JAM2: variants seen among roughly 807,000 people sequenced by gnomAD.
JAM2 encodes junctional adhesion molecule 2.
In JAM2, 17 loss-of-function variants were observed where a neutral mutation model predicts 42.0. That is an observed-to-expected ratio of 0.40 (90% CI 0.28 to 0.61). JAM2 has a LOEUF of 0.61. JAM2 is among the 20% of genes least tolerant of loss of function. The pLI is 0.37. For missense variants in JAM2, 319 were observed against 358.3 expected (o/e 0.89, Z 0.89); for synonymous variants, 118 against 128.6 (o/e 0.92, Z 0.56).
intron 9 of JAM2, chr21:25,714,141 G>A: frequency 3.9e-6 from 5 of 1,290,186 alleles, no homozygotes; most frequent in Non-Finnish European, 5.1e-6. Context: ...TACTCTCTAG[G>A]CAAAGCTTCA....
At chr21:25,667,636 A>G (rs766794603) in intron 1 of JAM2, among the ~76,000 whole-genome samples, 9 of 152,178 alleles carry the variant, frequency 5.9e-5, no homozygotes, top group Non-Finnish European at 1.0e-4. Flanking sequence ...TCAGACATCC[A>G]CTGGGGGTCT....
intron 4 of JAM2, among the ~76,000 whole-genome samples, chr21:25,694,656 C>A (rs1314745677): frequency 6.6e-6 from 1 of 151,900 alleles, no homozygotes; most frequent in Non-Finnish European, 1.5e-5. Context: ...CATAGTGAGT[C>A]CCCTATATCG....
rs539549299 is a variant in JAM2, at chr21:25,665,528, T to C, written c.68-18355T>C. 2.0e-5 allele frequency among the ~76,000 whole-genome samples: 3 copies of C among 152,166 alleles called. 1 individual carries two copies. Among genetic ancestry groups the C allele is most frequent in the Non-Finnish European group, 4.4e-5 (3 of 68,030 alleles). ...GTGTGCATGTATGTACATATATGTA[T>C]ATAAAGAGACTTGTTTTAAGGAATT... On this transcript the variant is annotated intron_variant, in intron 1 of 9. Transcript: ENST00000480456.
intron 4 of JAM2, 115 bp downstream of exon 4, chr21:25,694,023 A>C: frequency 5.0e-6 from 5 of 991,132 alleles, no homozygotes; most frequent in Non-Finnish European, 7.5e-6. Context: ...AGCCTCAACC[A>C]GTCAAGTTAC....
chr21:25,704,447 G>A (rs1429263603), intron 6 of JAM2, among the ~76,000 whole-genome samples: 2 of 152,080 alleles, frequency 1.3e-5, no homozygotes, highest in East Asian at 1.9e-4. Flanking sequence ...AAAGAATTTC[G>A]AGACCAGAAG....
chr21:25,714,600 A>G, intron 9 of JAM2, 40 bp from the exon 10 acceptor site: 2 of 1,165,966 alleles, frequency 1.7e-6, no homozygotes, highest in Non-Finnish European at 2.5e-6. Flanking sequence ...TTTAAATATG[A>G]ATTCATATAT....
At chr21:25,648,802 G>C (rs1158176263) in intron 1 of JAM2, among the ~76,000 whole-genome samples, 1 of 152,108 alleles carries the variant, frequency 6.6e-6, no homozygotes. Flanking sequence ...CACATCTTTA[G>C]GTCGTTGGTA....
At chr21:25,708,836 G>A (rs997019931) in intron 7 of JAM2, among the ~76,000 whole-genome samples, 1 of 152,032 alleles carries the variant, frequency 6.6e-6, no homozygotes, top group African/African-American at 2.4e-5. Flanking sequence ...TTGAATATTA[G>A]GAGTTCGTTA....
intron 1 of JAM2, among the ~76,000 whole-genome samples, chr21:25,663,514 G>A (rs941423159): frequency 6.6e-6 from 1 of 152,128 alleles, no homozygotes; most frequent in Non-Finnish European, 1.5e-5. Context: ...AGAAGTGATC[G>A]ATTCATGAGG....
rs187566069 is a variant in JAM2, at chr21:25,694,902, C to T, written c.394+994C>T. Among the ~76,000 whole-genome samples the T allele has an allele frequency of 3.1e-4, 46 of 150,780 alleles. 1 individual carries two copies. The East Asian group carries it at 5.0e-3, about 16-fold the overall frequency. ...CAAGATGGTAGTTTGTGGAGGAACA[C>T]GATCTCTTCTCTTTCATTGGTGGTG... On this transcript the variant is annotated intron_variant, in intron 4 of 9. Coordinates refer to ENST00000480456, the MANE Select transcript of JAM2 (RefSeq NM_021219.4).
intron 2 of JAM2, among the ~76,000 whole-genome samples, chr21:25,684,943 A>T (rs2033716744): frequency 6.6e-6 from 1 of 152,174 alleles, no homozygotes; most frequent in South Asian, 2.1e-4. Flanking sequence ...TTTCCAAAGG[A>T]TCCTTTATCT....
At chr21:25,666,671 G>A (rs1380949039) in intron 1 of JAM2, among the ~76,000 whole-genome samples, 1 of 152,068 alleles carries the variant, frequency 6.6e-6, no homozygotes, top group Non-Finnish European at 1.5e-5. Context: ...TGAGGAGCTG[G>A]GACAACAGGA....
At chr21:25,661,879 CT>C (rs1392617611) in intron 1 of JAM2, among the ~76,000 whole-genome samples, 1 of 151,712 alleles carries the variant, frequency 6.6e-6, no homozygotes, top group East Asian at 1.9e-4. Flanking sequence ...TCATTTTTAG[CT>C]AACATGAGCA....
intron 1 of JAM2, among the ~76,000 whole-genome samples, chr21:25,646,736 G>A (rs1311668743): frequency 6.6e-6 from 1 of 152,186 alleles, no homozygotes; most frequent in Admixed American, 6.5e-5. Flanking sequence ...TACATTTTAT[G>A]AGCAGAGAAG....
chr21:25,681,855 G>A (rs7281677), intron 1 of JAM2, among the ~76,000 whole-genome samples: 2,817 of 152,106 alleles, frequency 0.019, 87 homozygotes, highest in African/African-American at 0.063. Flanking sequence ...CGTGGCGGGC[G>A]CCTGTAGTCC....
intron 1 of JAM2, among the ~76,000 whole-genome samples, chr21:25,663,742 C>T (rs1243606704): frequency 6.6e-6 from 1 of 152,056 alleles, no homozygotes; most frequent in African/African-American, 2.4e-5. Context: ...CAGATGTGAC[C>T]CCTCTACCTT....
intron 1 of JAM2, among the ~76,000 whole-genome samples, chr21:25,675,575 G>A (rs1290487285): frequency 6.2e-5 from 9 of 144,820 alleles, no homozygotes; most frequent in African/African-American, 2.3e-4. Context: ...AAGGAGGGAA[G>A]GAAGGAAGGA....
At chr21:25,661,000 T>C (rs1386179702) in intron 1 of JAM2, among the ~76,000 whole-genome samples, 3 of 151,002 alleles carry the variant, frequency 2.0e-5, no homozygotes, top group Non-Finnish European at 4.4e-5. Context: ...TTCACCATGT[T>C]GGCCAGCCTG....
At chr21:25,654,417 G>C (rs2032868289) in intron 1 of JAM2, among the ~76,000 whole-genome samples, 1 of 152,160 alleles carries the variant, frequency 6.6e-6, no homozygotes, top group South Asian at 2.1e-4. Flanking sequence ...GGGAGGCTGA[G>C]ATGGGTGGAT....
Sources: gnomAD v4.1 joint callset for allele counts (sites outside exome capture counted in the v4.1 genomes callset) on GRCh38, gnomAD v4.1.1 for gene constraint, MANE v1.5 for transcripts, NCBI Gene and HGNC (gene_info 2026-07-23, HGNC 2026-07-21) for gene names.